The following ARAP1 variants were observed in gnomAD, a reference collection of about 807,000 sequenced individuals.
The protein encoded by ARAP1 is arf-GAP with Rho-GAP domain, ANK repeat and PH domain-containing protein 1.
In ARAP1, 76 loss-of-function variants were observed where a neutral mutation model predicts 172.2. The observed-to-expected ratio is 0.44, with a 90% CI of 0.37 to 0.53. ARAP1 has a LOEUF of 0.53. Among genes scored for constraint, ARAP1 ranks in the 20% least tolerant of loss-of-function variants. The pLI is 0.00. For missense variants in ARAP1, 1,686 were observed against 1,977.5 expected, an observed-to-expected ratio of 0.85 and a Z score of 2.80; for synonymous variants, 804 against 803.3, an observed-to-expected ratio of 1.00 and a Z score of -0.01.
intron 1 of ARAP1, among the ~76,000 whole-genome samples, chr11:72,746,286 T>C (rs1858362518): frequency 6.6e-6 from 1 of 152,110 alleles, no homozygotes; most frequent in Admixed American, 6.6e-5. Flanking sequence ...TCTGCAGGGT[T>C]CCCAGATTTC....
chr11:72,709,242 C>T (rs1591202438), intron 11 of ARAP1, among the ~76,000 whole-genome samples: 3 of 152,106 alleles, frequency 2.0e-5, no homozygotes, highest in South Asian at 4.1e-4. Flanking sequence ...GGGAGTGATG[C>T]TAGTGTTTAT....
intron 7 of ARAP1, 109 bp downstream of exon 7, chr11:72,712,087 G>A (rs1857039239): frequency 1.4e-6 from 2 of 1,406,200 alleles, no homozygotes; most frequent in Admixed American, 5.3e-5. Context: ...AATCATCGCA[G>A]GCCCTTCTGG....
In ARAP1 at chr11:72,706,038, C is replaced by T. The variant is rs916926609; in HGVS notation, c.1724-148G>A. On this transcript the variant is annotated intron_variant, in intron 12 of 34. Coordinates refer to ENST00000393609, the MANE Select transcript of ARAP1 (RefSeq NM_001040118.3). ...GCCTGCTGGCAGCTCTGGAATCCAG[C>T]CGTGTACTCTTGCTCCCCACAGGGC... The T allele has an allele frequency of 1.2e-5, 8 of 695,068 alleles. No individual in the cohort carries two copies. In the Admixed American group the frequency reaches 1.3e-4, roughly 12 times the overall value. 43.1% of individuals were successfully genotyped at this position (695,068 alleles called of 1,614,324 possible). A position where few individuals can be genotyped will look rare whatever the true frequency, so the allele number is the denominator to read the frequency against.
At chr11:72,733,597 A>G (rs550070793) in intron 1 of ARAP1, among the ~76,000 whole-genome samples, 1 of 152,282 alleles carries the variant, frequency 6.6e-6, no homozygotes, top group East Asian at 1.9e-4. Context: ...GCTAGGGACC[A>G]GTGGAGTGGC....
intron 1 of ARAP1, among the ~76,000 whole-genome samples, chr11:72,734,379 C>T (rs1191240744): frequency 6.6e-6 from 1 of 152,154 alleles, no homozygotes; most frequent in African/African-American, 2.4e-5. Flanking sequence ...CTTTGACCTC[C>T]CAAAGTGCTT....
At chr11:72,732,055 T>C (rs1857884392) in intron 2 of ARAP1, among the ~76,000 whole-genome samples, 1 of 152,190 alleles carries the variant, frequency 6.6e-6, no homozygotes, top group South Asian at 2.1e-4. Flanking sequence ...CGGATATATA[T>C]AAAACTGAGT....
chr11:72,713,044 G>A (rs1014030278), intron 5 of ARAP1, 132 bp downstream of exon 5: 1 of 947,802 alleles, frequency 1.1e-6, no homozygotes, highest in African/African-American at 1.6e-5. Context: ...TGGCAAGAGA[G>A]TGAGGTGGGG....
intron 2 of ARAP1, among the ~76,000 whole-genome samples, chr11:72,729,983 C>A (rs1488494345): frequency 6.6e-6 from 1 of 150,998 alleles, no homozygotes; most frequent in Non-Finnish European, 1.5e-5. Context: ...TGAAACAAGT[C>A]CAGAAGGCAC....
chr11:72,722,875 T>C (rs12099027), intron 3 of ARAP1, among the ~76,000 whole-genome samples: 50,555 of 151,980 alleles, frequency 0.33, 8,795 homozygotes, highest in South Asian at 0.42. Context: ...GTCTGCGGCA[T>C]TTAAGAGCTG....
rs768054464 is a variant in ARAP1 at position 72,695,502 on chromosome 11, G to A, written c.3507+40C>T. The A allele has an allele frequency of 5.3e-5, 86 of 1,614,058 alleles. No individual in the cohort carries two copies. The highest frequency in any genetic ancestry group is 7.0e-5 in the Non-Finnish European group (83 of 1,180,036). ...CTGGGGGCCTAGGAAATGGGTGCAG[G>A]TGGCAGGTCCAAGCCCCCCACCCAG... On this transcript the variant is annotated intron_variant, in intron 25 of 34. Coordinates refer to ENST00000393609, the MANE Select transcript of ARAP1 (RefSeq NM_001040118.3). The surrounding 1 kb of genome is among the most constrained non-coding windows in gnomAD (Gnocchi z 4.4).
intron 3 of ARAP1, among the ~76,000 whole-genome samples, chr11:72,723,507 T>C (rs911480952): frequency 6.6e-6 from 1 of 152,130 alleles, no homozygotes; most frequent in South Asian, 2.1e-4. Flanking sequence ...TACAATCCTA[T>C]CACAGCCTCG....
intron 31 of ARAP1, among the ~76,000 whole-genome samples, chr11:72,688,181 C>T (rs988022516): frequency 2.6e-5 from 4 of 152,022 alleles, no homozygotes; most frequent in African/African-American, 9.7e-5. Context: ...GACAAGGTCT[C>T]GCCATGTTGC....
chr11:72,714,022 GGGGCCACACAGTGGGCTGGT>G (rs1239741934), intron 4 of ARAP1, 110 bp downstream of exon 4: 1 of 1,055,546 alleles, frequency 9.5e-7, no homozygotes, highest in African/African-American at 1.7e-5. Flanking sequence ...TGACCTGCCC[GGGGCCACACAGTGGGCTGGT>G]GGCAGGCTTG....
In ARAP1 at chr11:72,697,642, C is replaced by G; in HGVS notation, c.2745G>C (p.Gln915His). ...CCAGCACCTGGTTCTCACTGTCCCC[C>G]TGGATGGCTGTGGAGGGGTTAGTCA... ...QLRKLQELSI[Q>H]GDSENQVLVL... is the part of the protein sequence containing the mutation. Residue 915 changes from glutamine to histidine, a missense_variant, in exon 20 of 35, where the codon CAG becomes CAC. Gln to His is a conservative substitution (Grantham distance 24). This residue lies in a region of ARAP1 where 274 missense variants were observed against 262.7 expected (regional missense o/e 1.04). Transcript: ENST00000393609. 1 of 1,614,128 alleles carries G rather than the reference C, an allele frequency of 6.2e-7. No homozygotes were observed. The highest frequency in any genetic ancestry group is 1.1e-5 in the South Asian group (1 of 91,080).
chr11:72,746,581 C>A (rs1359075097), intron 1 of ARAP1, among the ~76,000 whole-genome samples: 1 of 152,154 alleles, frequency 6.6e-6, no homozygotes, highest in Non-Finnish European at 1.5e-5. Context: ...ATCTCACCAG[C>A]CTAGAATCTC....
At chr11:72,737,773 T>C (rs951201957) in intron 1 of ARAP1, among the ~76,000 whole-genome samples, 1 of 152,120 alleles carries the variant, frequency 6.6e-6, no homozygotes, top group Non-Finnish European at 1.5e-5. Flanking sequence ...TACAGGGGCA[T>C]GCACCATGCC....
Position 72,693,710 on chromosome 11 carries a change from C to T in ARAP1, c.3790G>A (p.Ala1264Thr), listed in dbSNP as rs553453512. The T allele has an allele frequency of 2.5e-6, 4 of 1,607,970 alleles. No homozygotes were observed. The highest frequency in any genetic ancestry group is 2.5e-6 in the Non-Finnish European group (3 of 1,177,200). The change falls in exon 28 of 35, where the codon GCC becomes ACC. Residue 1264 changes from alanine to threonine, a missense_variant. Around this residue, in one of 5 missense-constraint regions of ARAP1, gnomAD observed 379 missense variants for 500.1 expected, o/e 0.76. Transcript: ENST00000393609. This position sits in a 1 kb window ranked among gnomAD's most constrained non-coding sequence, Gnocchi z 4.6. ...CACCTACCCAGGTACAGCAGCATGG[C>T]CTCCATGGCCTGGTGCTTCTTCACC... Reference protein sequence around the residue: ...LVVKKHQAMEAMLLYLASRVG... With the variant: ...LVVKKHQAMETMLLYLASRVG...
intron 30 of ARAP1, among the ~76,000 whole-genome samples, chr11:72,689,089 A>G (rs1855815982): frequency 6.6e-6 from 1 of 152,206 alleles, no homozygotes; most frequent in African/African-American, 2.4e-5. Context: ...TTGGTTCCAC[A>G]AGGAGGCTAA....
Position 72,701,698 on chromosome 11 carries a change from G to A in ARAP1, c.2253C>T (p.Tyr751=), listed in dbSNP as rs780422177. 13 of 1,613,982 alleles carry A rather than the reference G, an allele frequency of 8.1e-6. No individual in the cohort carries two copies. In the East Asian group the frequency reaches 2.2e-4, roughly 28 times the overall value. Residue 751 remains tyrosine (Y), a synonymous_variant, in exon 16 of 35, where the codon TAC becomes TAT. Transcript: ENST00000393609. The stretch of plus-strand genomic sequence containing the variant: ...GCAGCTTGCCGGCAGAGGCAGTCTT[G>A]TAGAGGAAGCCACTGTGGCTCACGG... ...LPTVSHSGFL[Y]KTASAGKLLQ...
Sources: allele counts gnomAD v4.1 joint callset (sites outside exome capture counted in the v4.1 genomes callset), GRCh38; gene constraint gnomAD v4.1.1; regional missense constraint gnomAD v4.1.1; non-coding constraint Gnocchi (gnomAD v3.1); transcripts MANE v1.5; gene names NCBI Gene and HGNC (gene_info 2026-07-23, HGNC 2026-07-21).